Variants in CDK17 observed in about 807,000 individuals in gnomAD.
CDK17 encodes cyclin-dependent kinase 17.
In CDK17, 24 loss-of-function variants were observed where a neutral mutation model predicts 77.6. That is an observed-to-expected ratio of 0.31 (90% confidence interval 0.22 to 0.44). CDK17 has a LOEUF of 0.44. Ranked by LOEUF, CDK17 falls within the 20% of genes least tolerant of loss-of-function variation. The pLI is 1.00. For synonymous variants in CDK17, 203 were observed against 210.4 expected, an observed-to-expected ratio of 0.96 and a Z score of 0.30; for missense variants, 429 against 622.5, an observed-to-expected ratio of 0.69 and a Z score of 3.31.
intron 1 of CDK17, among the ~76,000 whole-genome samples, chr12:96,340,474 T>C (rs1218931195): frequency 6.6e-6 from 1 of 152,184 alleles, no homozygotes; most frequent in Non-Finnish European, 1.5e-5. Context: ...AAAATTTTAA[T>C]TAAGTTACAA....
chr12:96,280,370 C>T (rs1952159682), intron 16 of CDK17, 91 bp from the exon 17 acceptor site: 1 of 1,516,372 alleles, frequency 6.6e-7, no homozygotes, highest in Non-Finnish European at 8.8e-7. Context: ...ATGTTCCCAC[C>T]AGCAAAAGCT....
chr12:96,338,463 C>T (rs1316866516), intron 1 of CDK17, among the ~76,000 whole-genome samples: 1 of 152,186 alleles, frequency 6.6e-6, no homozygotes, highest in African/African-American at 2.4e-5. Context: ...TCCAAGAAAT[C>T]TACGTGCCCC....
At chr12:96,290,255 AGT>A (rs1952307255) in intron 10 of CDK17, among the ~76,000 whole-genome samples, 1 of 152,246 alleles carries the variant, frequency 6.6e-6, no homozygotes. Context: ...TTGAGTCACT[AGT>A]GTGAGAGAGT....
At chr12:96,285,959 C>T (rs1381644578) in intron 13 of CDK17, 84 bp downstream of exon 13, 5 of 692,956 alleles carry the variant, frequency 7.2e-6, no homozygotes, top group South Asian at 3.1e-5. Flanking sequence ...TGTATTTTTT[C>T]CTGAATCCTT....
At chr12:96,399,954 A>AAGCGC in intron 1 of CDK17, 32 bp downstream of exon 1, 1 of 365,106 alleles carries the variant, frequency 2.7e-6, no homozygotes, top group Non-Finnish European at 4.9e-6. Flanking sequence ...CACCAGGGGA[A>AAGCGC]AGCGCGGCGC....
At chr12:96,336,976 A>G (rs1953050237) in intron 1 of CDK17, among the ~76,000 whole-genome samples, 1 of 152,120 alleles carries the variant, frequency 6.6e-6, no homozygotes, top group African/African-American at 2.4e-5. Flanking sequence ...GTAATTTTTT[A>G]TTGTATGTAA....
At chr12:96,397,369 C>T (rs925956566) in intron 1 of CDK17, among the ~76,000 whole-genome samples, 8 of 151,942 alleles carry the variant, frequency 5.3e-5, no homozygotes, top group Admixed American at 3.3e-4. Context: ...GGGATCAATT[C>T]CTCCAATTTC....
At position 96,279,668 on chromosome 12, in the gene CDK17, G is replaced by C. The variant is rs1454790812; in HGVS notation, c.*574C>G. ...ACGTAATGTGCTTGTCAATCTCTTA[G>C]CTACTCTATTTGCCAATGTTCATTA... On this transcript the variant is annotated 3_prime_UTR_variant, in exon 17 of 17. Transcript: ENST00000261211. 1.3e-5 allele frequency: 2 copies of C among 152,380 alleles called. No individual in the cohort carries two copies. Among genetic ancestry groups the C allele is most frequent in the Non-Finnish European group, 2.9e-5 (2 of 67,990 alleles). The allele number at this position is 152,380 out of a possible 1,614,324, so 9.4% of individuals were successfully genotyped here.
At chr12:96,395,172 C>T (rs900086800) in intron 1 of CDK17, among the ~76,000 whole-genome samples, 1 of 152,128 alleles carries the variant, frequency 6.6e-6, no homozygotes, top group Non-Finnish European at 1.5e-5. Flanking sequence ...CCATGCCTCG[C>T]CCATATAAAT....
chr12:96,300,003 T>C (rs966208109), intron 6 of CDK17, among the ~76,000 whole-genome samples: 1 of 152,220 alleles, frequency 6.6e-6, no homozygotes, highest in African/African-American at 2.4e-5. Flanking sequence ...GCACAGACAG[T>C]AGACTGGCAG....
intron 3 of CDK17, among the ~76,000 whole-genome samples, chr12:96,318,771 A>G (rs1170434899): frequency 9.0e-5 from 13 of 144,346 alleles, no homozygotes; most frequent in African/African-American, 3.4e-4. Flanking sequence ...GACACAACAT[A>G]CCAGAATCTC....
intron 14 of CDK17, among the ~76,000 whole-genome samples, chr12:96,282,973 T>A (rs1952195801): frequency 6.6e-6 from 1 of 152,150 alleles, no homozygotes; most frequent in Non-Finnish European, 1.5e-5. Context: ...TAACGACCTA[T>A]CCAATACTCA....
chr12:96,341,157 T>C lies in CDK17; in HGVS notation c.-29-6292A>G, dbSNP rs182374046. Among the ~76,000 whole-genome samples the C allele has an allele frequency of 9.8e-5, 15 of 152,332 alleles. No individual in the cohort carries two copies. In the East Asian group the frequency reaches 2.3e-3, roughly 23 times the overall value. ...TGGATGAATCTGGAGGCCATCATCC[T>C]ACGCTATTGTTTCTATGAATATTAA... On this transcript the variant is annotated intron_variant, in intron 1 of 16. Coordinates refer to ENST00000261211, the MANE Select transcript of CDK17 (RefSeq NM_002595.5).
chr12:96,373,450 C>T (rs1038198633), intron 1 of CDK17, among the ~76,000 whole-genome samples: 4 of 151,806 alleles, frequency 2.6e-5, no homozygotes, highest in Admixed American at 2.6e-4. Context: ...AAAAATTAGC[C>T]GGGCGTGGTG....
At chr12:96,377,618 G>A (rs1340405219) in intron 1 of CDK17, among the ~76,000 whole-genome samples, 1 of 151,630 alleles carries the variant, frequency 6.6e-6, no homozygotes, top group African/African-American at 2.4e-5. Context: ...TGGGAAACAG[G>A]CCTGTTGCAC....
At chr12:96,352,797 G>A (rs1431737960) in intron 1 of CDK17, among the ~76,000 whole-genome samples, 1 of 152,176 alleles carries the variant, frequency 6.6e-6, no homozygotes, top group Non-Finnish European at 1.5e-5. Context: ...GTAATATGAA[G>A]TCTTTCAGTG....
intron 1 of CDK17, among the ~76,000 whole-genome samples, chr12:96,341,297 T>C (rs1249189759): frequency 6.9e-6 from 1 of 145,766 alleles, no homozygotes; most frequent in African/African-American, 2.6e-5. Flanking sequence ...TAGTTTTTAC[T>C]CATAGCACTT....
intron 1 of CDK17, among the ~76,000 whole-genome samples, chr12:96,394,245 CAAAA>C (rs71097287): frequency 7.5e-6 from 1 of 134,098 alleles, no homozygotes; most frequent in South Asian, 2.4e-4. Flanking sequence ...GACTCCATCT[CAAAA>C]AAAAAAAAAA....
chr12:96,350,469 C>T (rs1953293614), intron 1 of CDK17, among the ~76,000 whole-genome samples: 1 of 151,742 alleles, frequency 6.6e-6, no homozygotes, highest in Non-Finnish European at 1.5e-5. Context: ...CATTTCAAGA[C>T]CTAATAAAAA....
Sources: gnomAD v4.1 joint callset for allele counts (sites outside exome capture counted in the v4.1 genomes callset) on GRCh38, gnomAD v4.1.1 for gene constraint, MANE v1.5 for transcripts, NCBI Gene and HGNC (gene_info 2026-07-23, HGNC 2026-07-21) for gene names.